RASAL2: variants seen among roughly 807,000 people sequenced by gnomAD.
RASAL2 encodes the protein RAS protein activator like 2, also known as ras GTPase-activating protein nGAP.
A neutral mutation model predicts 128.9 loss-of-function variants in RASAL2; 58 were observed. The ratio of observed to expected loss-of-function variants is 0.45; its 90% confidence interval spans 0.36 to 0.56. RASAL2 has a LOEUF of 0.56. RASAL2 is among the 20% of genes least tolerant of loss of function. The probability of loss-of-function intolerance (pLI) is 0.00; values close to 1 mark genes in which losing one functional copy is unlikely to be tolerated. For synonymous variants in RASAL2, 561 were observed against 580.8 expected (o/e 0.97, Z 0.49); for missense variants, 1,360 against 1,601.6 (o/e 0.85, Z 2.57).
intron 1 of RASAL2, among the ~76,000 whole-genome samples, chr1:178,134,200 T>C (rs563881073): frequency 6.6e-6 from 1 of 152,130 alleles, no homozygotes; most frequent in Admixed American, 6.5e-5. Context: ...TCTGAAGGCC[T>C]CTTTGGGGTG....
At chr1:178,443,299 T>C in intron 8 of RASAL2, 70 bp downstream of exon 8, 1 of 1,358,578 alleles carries the variant, frequency 7.4e-7, no homozygotes, top group Non-Finnish European at 1.0e-6. Context: ...GATATGGATA[T>C]TGTAGAAATC....
At chr1:178,285,246 G>A (rs1033538307) in intron 2 of RASAL2, among the ~76,000 whole-genome samples, 11 of 149,042 alleles carry the variant, frequency 7.4e-5, no homozygotes, top group Non-Finnish European at 1.3e-4. Flanking sequence ...TCAGCCTCCC[G>A]AGTAGCTGGG....
intron 2 of RASAL2, among the ~76,000 whole-genome samples, chr1:178,290,710 A>C (rs142032742): frequency 3.9e-5 from 6 of 151,918 alleles, no homozygotes; most frequent in Non-Finnish European, 7.4e-5. Flanking sequence ...GAGTCTTGCT[A>C]TGTCACCCAG....
rs1360393295 is a variant in RASAL2 at position 178,458,546 on chromosome 1, T to C, written c.3252+2T>C. ...ATCCAGAGACAACAGACACAGCAGG[T>C]AGGTGTGAGTGCTGAAGGGGCCTGG... On this transcript the variant is annotated splice_donor_variant, in intron 14 of 17. Coordinates refer to ENST00000367649, the MANE Select transcript of RASAL2 (RefSeq NM_170692.4). LOFTEE classifies it high-confidence loss of function. The C allele has an allele frequency of 1.2e-6, 2 of 1,600,500 alleles. No homozygotes were observed. Among genetic ancestry groups the C allele is most frequent in the East Asian group, 2.2e-5 (1 of 44,778 alleles).
chr1:178,458,572 C>T (rs746663374), intron 14 of RASAL2, 28 bp downstream of exon 14: 2 of 1,558,858 alleles, frequency 1.3e-6, no homozygotes, highest in Middle Eastern at 1.8e-4. Context: ...AGGGGCCTGG[C>T]TTCTACTTGG....
At chr1:178,169,687 C>G (rs1199929695) in intron 1 of RASAL2, among the ~76,000 whole-genome samples, 1 of 151,956 alleles carries the variant, frequency 6.6e-6, no homozygotes, top group Non-Finnish European at 1.5e-5. Context: ...TTGAAATTAT[C>G]CTTCAGAACC....
Position 178,416,811 on chromosome 1 carries a change from A to G in RASAL2, c.565-3700A>G, listed in dbSNP as rs528398551. 4.6e-5 allele frequency among the ~76,000 whole-genome samples: 7 copies of G among 151,662 alleles called. No individual in the cohort carries two copies. In the South Asian group the frequency reaches 6.2e-4, roughly 14 times the overall value. ...TATTTCACTCCATTCTCTTGCTTGT[A>G]TGGTTTCTGAGGAGAAGCCAGATGT... On this transcript the variant is annotated intron_variant, in intron 4 of 17. Coordinates refer to ENST00000367649, the MANE Select transcript of RASAL2 (RefSeq NM_170692.4).
intron 4 of RASAL2, among the ~76,000 whole-genome samples, chr1:178,417,651 C>T (rs1347835934): frequency 6.6e-6 from 1 of 150,718 alleles, no homozygotes; most frequent in Non-Finnish European, 1.5e-5. Context: ...CCCAGCTACT[C>T]GGGAGGTTGA....
At position 178,094,407 on chromosome 1, in the gene RASAL2, C is replaced by A. The variant is rs1013238430; in HGVS notation, c.-86C>A. 2.5e-5 allele frequency: 33 copies of A among 1,296,578 alleles called. No homozygotes were observed. Among genetic ancestry groups the A allele is most frequent in the South Asian group, 2.1e-4 (14 of 65,972 alleles). 80.3% of individuals were successfully genotyped at this position (1,296,578 alleles called of 1,614,324 possible). On this transcript the variant is annotated 5_prime_UTR_variant, in exon 1 of 18. Coordinates refer to ENST00000367649, the MANE Select transcript of RASAL2 (RefSeq NM_170692.4). ...CCCTGCCCTCGCTGCGCGCTCTCCTCCTCCCCTTACCGCAGGCAGGGCGCG... is the reference window on the plus strand; with the variant it reads ...CCCTGCCCTCGCTGCGCGCTCTCCTACTCCCCTTACCGCAGGCAGGGCGCG...
chr1:178,203,436 C>G (rs896575341), intron 1 of RASAL2, among the ~76,000 whole-genome samples: 6 of 152,162 alleles, frequency 3.9e-5, no homozygotes, highest in Middle Eastern at 3.2e-3. Context: ...TGTGCATGCT[C>G]TGAATCGGCA....
At position 178,443,296 on chromosome 1, in the gene RASAL2, A is replaced by G. The variant is rs1000755107; in HGVS notation, c.1482+67A>G. 4 of 1,369,386 alleles carry G rather than the reference A, an allele frequency of 2.9e-6. No individual in the cohort carries two copies. The Admixed American group carries it at 6.9e-5, about 24-fold the overall frequency. 84.8% of individuals were successfully genotyped at this position (1,369,386 alleles called of 1,614,324 possible). ...CTACCTTTCATAAACCAAGATATGG[A>G]TATTGTAGAAATCCAAATTAGAGAA... On this transcript the variant is annotated intron_variant, in intron 8 of 17. Transcript: ENST00000367649.
intron 4 of RASAL2, among the ~76,000 whole-genome samples, chr1:178,395,681 C>G (rs541005012): frequency 2.6e-5 from 4 of 151,590 alleles, no homozygotes; most frequent in Admixed American, 6.6e-5. Context: ...GACTCTCTAT[C>G]CGTGTTTCTT....
At chr1:178,252,294 A>T (rs1241447395) in intron 1 of RASAL2, among the ~76,000 whole-genome samples, 2 of 152,134 alleles carry the variant, frequency 1.3e-5, no homozygotes, top group Admixed American at 1.3e-4. Flanking sequence ...GTAAATTATG[A>T]ATATGCAGAT....
intron 4 of RASAL2, among the ~76,000 whole-genome samples, chr1:178,415,255 G>T (rs761243776): frequency 6.6e-6 from 1 of 151,890 alleles, no homozygotes; most frequent in African/African-American, 2.4e-5. Context: ...AAATTTAGAT[G>T]CTATGTTTTC....
At chr1:178,236,237 A>G (rs556190219) in intron 1 of RASAL2, among the ~76,000 whole-genome samples, 1 of 152,270 alleles carries the variant, frequency 6.6e-6, no homozygotes, top group East Asian at 1.9e-4. Context: ...GATTATGCCT[A>G]ATAATCTTGA....
At chr1:178,107,009 A>G (rs777225863) in intron 1 of RASAL2, among the ~76,000 whole-genome samples, 2 of 152,146 alleles carry the variant, frequency 1.3e-5, no homozygotes, top group African/African-American at 2.4e-5. Context: ...CTGTGAGCAT[A>G]TTGTATGAAA....
At chr1:178,284,806 A>T (rs1435896411) in intron 2 of RASAL2, among the ~76,000 whole-genome samples, 1 of 152,232 alleles carries the variant, frequency 6.6e-6, no homozygotes, top group Non-Finnish European at 1.5e-5. Flanking sequence ...ATATGATTCA[A>T]TGAAGGAGAA....
intron 5 of RASAL2, among the ~76,000 whole-genome samples, chr1:178,434,588 G>A (rs1676134305): frequency 6.6e-6 from 1 of 151,998 alleles, no homozygotes; most frequent in Admixed American, 6.6e-5. Flanking sequence ...GAGTGGTGTG[G>A]TACATATTTT....
Position 178,466,134 on chromosome 1 carries a change from C to G in RASAL2, c.3590+12C>G. 6.5e-7 allele frequency: 1 copy of G among 1,538,888 alleles called. No individual in the cohort carries two copies. The highest frequency in any genetic ancestry group is 2.1e-5 in the Admixed American group (1 of 47,668). ...AGCATCATCAGCAGGTTAGACATCACCTGGCAGCAGATGTGGGCTAGTTAG... is the reference window on the plus strand; with the variant it reads ...AGCATCATCAGCAGGTTAGACATCAGCTGGCAGCAGATGTGGGCTAGTTAG... On this transcript the variant is annotated intron_variant, in intron 16 of 17. Coordinates refer to ENST00000367649, the MANE Select transcript of RASAL2 (RefSeq NM_170692.4).
Sources: allele counts gnomAD v4.1 joint callset (sites outside exome capture counted in the v4.1 genomes callset), GRCh38; gene constraint gnomAD v4.1.1; transcripts MANE v1.5; gene names NCBI Gene and HGNC (gene_info 2026-07-23, HGNC 2026-07-21).